Variants in BPIFA2 observed in about 807,000 individuals in gnomAD.
BPIFA2 encodes BPI fold containing family A member 2.
BPIFA2 carries 20 observed loss-of-function variants against 25.7 expected under a neutral mutation model. That is an observed-to-expected ratio of 0.78 (90% CI 0.55 to 1.13). The LOEUF is 1.13. BPIFA2 is among the 50% of genes most tolerant of loss of function. The pLI, the probability that BPIFA2 is intolerant of heterozygous loss-of-function variation, is 0.00. For synonymous variants in BPIFA2, 126 were observed against 124.3 expected, an observed-to-expected ratio of 1.01 and a Z score of -0.09; for missense variants, 300 against 298.1, an observed-to-expected ratio of 1.01 and a Z score of -0.05.
chr20:33,169,067 A>G, intron 1 of BPIFA2, 64 bp from the exon 2 acceptor site: 1 of 1,334,792 alleles, frequency 7.5e-7, no homozygotes, highest in Non-Finnish European at 1.1e-6. Flanking sequence ...AGTGATGGGA[A>G]CTCACTGAAG....
intron 2 of BPIFA2, among the ~76,000 whole-genome samples, chr20:33,169,816 G>A (rs1005474473): frequency 6.6e-6 from 1 of 151,862 alleles, no homozygotes; most frequent in African/African-American, 2.4e-5. Context: ...TTTTTCTTTT[G>A]GGTTGTTTAA....
chr20:33,173,005 G>A lies in BPIFA2; in HGVS notation c.231G>A (p.Lys77=), dbSNP rs773560976. ...GTGCTTGGCAACTGGCCAAGCAGAAGGCCCAGGAAGCTGAGAAATTGCTGA... is the reference window on the plus strand; with the variant it reads ...GTGCTTGGCAACTGGCCAAGCAGAAAGCCCAGGAAGCTGAGAAATTGCTGA... ...KSSAWQLAKQ[K]AQEAEKLLNN... The change falls in exon 3 of 9, where the codon AAG becomes AAA. Residue 77 remains lysine, a synonymous_variant. Coordinates refer to ENST00000354932, the MANE Select transcript of BPIFA2 (RefSeq NM_080574.4). The A allele has an allele frequency of 1.2e-6, 2 of 1,613,940 alleles. No homozygotes were observed. The highest frequency in any genetic ancestry group is 1.7e-6 in the Non-Finnish European group (2 of 1,180,026).
intron 7 of BPIFA2, among the ~76,000 whole-genome samples, chr20:33,180,210 C>T (rs552818085): frequency 2.1e-4 from 32 of 150,630 alleles, no homozygotes; most frequent in Non-Finnish European, 2.4e-4. Flanking sequence ...AGAGTGAGAC[C>T]GCAATCTCAA....
upstream of BPIFA2, among the ~76,000 whole-genome samples, chr20:33,165,043 G>A (rs1373883757): frequency 6.6e-6 from 1 of 152,196 alleles, no homozygotes; most frequent in Non-Finnish European, 1.5e-5. Flanking sequence ...GGAAATACTT[G>A]AGCGCTGAAA....
At chr20:33,173,405 G>T (rs532968153) in intron 3 of BPIFA2, among the ~76,000 whole-genome samples, 2 of 152,298 alleles carry the variant, frequency 1.3e-5, no homozygotes, top group South Asian at 4.1e-4. Flanking sequence ...ATATATAACT[G>T]GGGGTAAAAG....
intron 5 of BPIFA2, among the ~76,000 whole-genome samples, chr20:33,175,836 C>A (rs528785574): frequency 2.0e-5 from 3 of 152,192 alleles, no homozygotes; most frequent in South Asian, 4.2e-4. Context: ...ATATTTAGCA[C>A]GCAGCCTGGA....
intron 3 of BPIFA2, among the ~76,000 whole-genome samples, chr20:33,173,415 G>A (rs569391227): frequency 3.3e-5 from 5 of 152,158 alleles, no homozygotes; most frequent in Non-Finnish European, 7.4e-5. Flanking sequence ...GGGGGTAAAA[G>A]CCCAGATCCC....
Position 33,179,584 on chromosome 20 carries a change from C to G in BPIFA2, c.646-20C>G, listed in dbSNP as rs1021289239. The G allele has an allele frequency of 6.3e-7, 1 of 1,594,466 alleles. No homozygotes were observed. Among genetic ancestry groups the G allele is most frequent in the Admixed American group, 1.7e-5 (1 of 59,972 alleles). On this transcript the variant is annotated intron_variant, in intron 6 of 8. Transcript: ENST00000354932. Reference sequence around the variant, plus strand: ...TCCTCCTACTCCTGACCCTCCTCTTCCTCCTTTCTCCGCTGTCAGATATGT... The same window carrying G: ...TCCTCCTACTCCTGACCCTCCTCTTGCTCCTTTCTCCGCTGTCAGATATGT...
upstream of BPIFA2, among the ~76,000 whole-genome samples, chr20:33,167,685 C>CAT (rs1206914947): frequency 4.2e-5 from 2 of 47,408 alleles, no homozygotes; most frequent in East Asian, 6.2e-4. Flanking sequence ...GGCAGGACCC[C>CAT]TGGGAGGCTG....
intron 4 of BPIFA2, among the ~76,000 whole-genome samples, 176 bp from the exon 5 acceptor site, chr20:33,175,231 G>A (rs976927564): frequency 6.6e-6 from 1 of 152,126 alleles, no homozygotes; most frequent in Non-Finnish European, 1.5e-5. Flanking sequence ...AGGAGAAGAA[G>A]CCCCTAATAT....
At position 33,172,284 on chromosome 20, in the gene BPIFA2, T is replaced by C. The variant is rs868232044; in HGVS notation, c.158-648T>C. On this transcript the variant is annotated intron_variant, in intron 2 of 8. Transcript: ENST00000354932. ...GGAGAGAATTAGGACAAATACCTAA[T>C]GCAGGTGGGGCTTAAAACCTAGATG... Among the ~76,000 whole-genome samples the C allele has an allele frequency of 2.0e-5, 3 of 152,096 alleles. No individual in the cohort carries two copies. In the South Asian group the frequency reaches 6.2e-4, roughly 32 times the overall value.
chr20:33,180,666 C>T, intron 8 of BPIFA2, 69 bp downstream of exon 8: 1 of 1,332,552 alleles, frequency 7.5e-7, no homozygotes. Flanking sequence ...GCGTGGCTTC[C>T]CTTATTTTTG....
At chr20:33,168,062 G>A (rs1019878903), upstream of BPIFA2, 1 of 152,244 alleles carries the variant, frequency 6.6e-6, no homozygotes, top group Non-Finnish European at 1.5e-5. Flanking sequence ...TTTCCTTGGA[G>A]TGTCCTTGGA....
chr20:33,178,800 T>G (rs1319067977), intron 6 of BPIFA2, among the ~76,000 whole-genome samples: 4 of 152,150 alleles, frequency 2.6e-5, no homozygotes, highest in Non-Finnish European at 5.9e-5. Flanking sequence ...AGTTTAGTTA[T>G]ATTCCAAAAG....
chr20:33,178,635 C>G (rs1460499252), intron 6 of BPIFA2, among the ~76,000 whole-genome samples: 1 of 151,796 alleles, frequency 6.6e-6, no homozygotes, highest in Non-Finnish European at 1.5e-5. Context: ...AATTTTTTTT[C>G]CATCTGTGCA....
intron 2 of BPIFA2, among the ~76,000 whole-genome samples, chr20:33,170,069 T>A (rs1983850302): frequency 6.6e-6 from 1 of 152,214 alleles, no homozygotes; most frequent in African/African-American, 2.4e-5. Context: ...AGGGCTTAGG[T>A]AACTTTCAAA....
At chr20:33,171,722 A>G (rs529643554) in intron 2 of BPIFA2, among the ~76,000 whole-genome samples, 26 of 152,380 alleles carry the variant, frequency 1.7e-4, no homozygotes, top group African/African-American at 5.8e-4. Context: ...GGCAATTATT[A>G]AAAAGTCAGG....
chr20:33,180,966 C>T (rs1984261560), intron 8 of BPIFA2, among the ~76,000 whole-genome samples: 1 of 152,222 alleles, frequency 6.6e-6, no homozygotes, highest in Non-Finnish European at 1.5e-5. Context: ...CTCAATCAAT[C>T]TTTTCACATC....
chr20:33,180,637 A>T (rs1984246735), intron 8 of BPIFA2, 40 bp downstream of exon 8: 3 of 1,487,102 alleles, frequency 2.0e-6, no homozygotes, highest in Non-Finnish European at 2.8e-6. Context: ...ACAGGGGCCT[A>T]TGGTGAAGTA....
Sources: allele counts gnomAD v4.1 joint callset (sites outside exome capture counted in the v4.1 genomes callset), GRCh38; gene constraint gnomAD v4.1.1; transcripts MANE v1.5; gene names NCBI Gene and HGNC (gene_info 2026-07-23, HGNC 2026-07-21).